The following CDX1 variants were observed in gnomAD, a reference collection of about 807,000 sequenced individuals.
The protein encoded by CDX1 is homeobox protein CDX-1.
Under a neutral mutation model 16.9 loss-of-function variants are expected in CDX1, and 9 were observed. The observed-to-expected ratio is 0.53, with a 90% CI of 0.32 to 0.93. The LOEUF is 0.93. Ranked by LOEUF, CDX1 falls within the 40% of genes least tolerant of loss-of-function variation. CDX1 has a pLI of 0.04. For missense variants in CDX1, 393 were observed against 386.1 expected (o/e 1.02, Z -0.15); for synonymous variants, 179 against 179.0 (o/e 1.00, Z 0.00).
At chr5:150,174,179 C>T (rs1259060588) in intron 1 of CDX1, among the ~76,000 whole-genome samples, 1 of 152,206 alleles carries the variant, frequency 6.6e-6, no homozygotes, top group South Asian at 2.1e-4. Context: ...AGCCCCACCT[C>T]GAACGTGAGA....
chr5:150,178,182 C>T lies in CDX1; in HGVS notation c.446-4586C>T, dbSNP rs1359800786. Among the ~76,000 whole-genome samples the T allele has an allele frequency of 2.6e-5, 4 of 152,190 alleles. No homozygotes were observed. The East Asian group carries it at 7.7e-4, about 29-fold the overall frequency. On this transcript the variant is annotated intron_variant, in intron 1 of 2. Coordinates refer to ENST00000231656, the MANE Select transcript of CDX1 (RefSeq NM_001804.3). ...CTGGGAGCCATTGGCCTGTACCGTG[C>T]ATGCATTAGGGGACGGGAGTTTGCT...
chr5:150,171,676 TATGGC>T (rs997109955), intron 1 of CDX1, among the ~76,000 whole-genome samples: 4 of 152,236 alleles, frequency 2.6e-5, no homozygotes, highest in Non-Finnish European at 2.9e-5. Flanking sequence ...GCTCCATTTC[TATGGC>T]AATCAGAGCC....
chr5:150,183,689 C>CCAG lies in CDX1; in HGVS notation c.*11_*13dup. The stretch of plus-strand genomic sequence containing the variant: ...AGGAGTTTCTGCCATAGCCCCATGC[C>CCAG]CAGCCTGTGCGCCGGGGGACCTGGG... On this transcript the variant is annotated 3_prime_UTR_variant, in exon 3 of 3. Transcript: ENST00000231656. 1 of 1,537,430 alleles carries CCAG rather than the reference C, an allele frequency of 6.5e-7. No homozygotes were observed. The highest frequency in any genetic ancestry group is 1.4e-5 in the African/African-American group (1 of 72,686).
intron 1 of CDX1, 86 bp from the exon 2 acceptor site, chr5:150,182,682 T>C: frequency 7.4e-7 from 1 of 1,353,556 alleles, no homozygotes; most frequent in Non-Finnish European, 1.0e-6. Context: ...GCCTGGATTG[T>C]CTTCCTCCTG....
At chr5:150,168,954 G>A (rs76845567) in intron 1 of CDX1, among the ~76,000 whole-genome samples, 5,036 of 152,280 alleles carry the variant, frequency 0.033, 295 homozygotes, top group African/African-American at 0.11. Context: ...CCATAAATCC[G>A]GGGTTAAGAA....
At position 150,166,826 on chromosome 5, in the gene CDX1, C is replaced by A; in HGVS notation, c.-51C>A. The A allele has an allele frequency of 7.7e-7, 1 of 1,300,778 alleles. No individual in the cohort carries two copies. Among genetic ancestry groups the A allele is most frequent in the Non-Finnish European group, 1.0e-6 (1 of 998,234 alleles). The allele number at this position is 1,300,778 out of a possible 1,614,324, so 80.6% of individuals were successfully genotyped here. A position where few individuals can be genotyped will look rare whatever the true frequency, so the allele number is the denominator to read the frequency against. Reference sequence around the variant, plus strand: ...AGCGGTTGCTCGTCGTCGGGGCGGCCGGCAGCGGCGGCTCCAGGGCCCAGC... The same window carrying A: ...AGCGGTTGCTCGTCGTCGGGGCGGCAGGCAGCGGCGGCTCCAGGGCCCAGC... On this transcript the variant is annotated 5_prime_UTR_variant, in exon 1 of 3. Transcript: ENST00000231656.
chr5:150,167,047 C>G lies in CDX1; in HGVS notation c.171C>G (p.Pro57=), dbSNP rs1335935397. The G allele has an allele frequency of 1.4e-6, 2 of 1,431,684 alleles. No individual in the cohort carries two copies. Among genetic ancestry groups the G allele is most frequent in the Non-Finnish European group, 1.8e-6 (2 of 1,098,204 alleles). The allele number at this position is 1,431,684 out of a possible 1,614,324, so 88.7% of individuals were successfully genotyped here. A position where few individuals can be genotyped will look rare whatever the true frequency, so the allele number is the denominator to read the frequency against. The change falls in exon 1 of 3, where the codon CCC becomes CCG. Residue 57 remains proline, a synonymous_variant. Transcript: ENST00000231656. ...CTCACGTGGAGCCGGCCCCCGCGCC[C>G]CCGACGGCCTGGGGGGCGCCCTTCC... ...SYSHVEPAPA[P]PTAWGAPFPA...
At chr5:150,169,757 T>G (rs1489044278) in intron 1 of CDX1, among the ~76,000 whole-genome samples, 2 of 152,160 alleles carry the variant, frequency 1.3e-5, no homozygotes, top group African/African-American at 2.4e-5. Flanking sequence ...GGCCACCAGG[T>G]CTTCAGCCTG....
In CDX1 at chr5:150,183,862, C is replaced by T. The variant is rs1752507726; in HGVS notation, c.*182C>T. The T allele has an allele frequency of 4.5e-6, 2 of 448,372 alleles. No homozygotes were observed. The highest frequency in any genetic ancestry group is 7.9e-6 in the Non-Finnish European group (2 of 251,720). The allele number at this position is 448,372 out of a possible 1,614,324, so 27.8% of individuals were successfully genotyped here. On this transcript the variant is annotated 3_prime_UTR_variant, in exon 3 of 3. Coordinates refer to ENST00000231656, the MANE Select transcript of CDX1 (RefSeq NM_001804.3). Reference sequence around the variant, plus strand: ...GTGCAGTAAGCCTGTTGGATAAAGACCTTCCAGCTCCTGTGTTCTAGACCT... The same window carrying T: ...GTGCAGTAAGCCTGTTGGATAAAGATCTTCCAGCTCCTGTGTTCTAGACCT...
intron 1 of CDX1, among the ~76,000 whole-genome samples, chr5:150,174,859 G>A (rs927156074): frequency 6.7e-6 from 1 of 150,216 alleles, no homozygotes; most frequent in South Asian, 2.1e-4. Context: ...TCACTGCAAC[G>A]TCCGCCTCCT....
chr5:150,183,779 C>T lies in CDX1; in HGVS notation c.*99C>T. 1.0e-6 allele frequency: 1 copy of T among 967,276 alleles called. No homozygotes were observed. Among genetic ancestry groups the T allele is most frequent in the South Asian group, 2.1e-5 (1 of 48,184 alleles). The allele number at this position is 967,276 out of a possible 1,614,324, so 59.9% of individuals were successfully genotyped here. ...GGTCTGGTCCGAGTCTCAGCCCTGA[C>T]CTTCTGGGACATGGTGGACAGTCAC... On this transcript the variant is annotated 3_prime_UTR_variant, in exon 3 of 3. Coordinates refer to ENST00000231656, the MANE Select transcript of CDX1 (RefSeq NM_001804.3).
chr5:150,171,884 A>G (rs1211362361), intron 1 of CDX1, among the ~76,000 whole-genome samples: 1 of 152,210 alleles, frequency 6.6e-6, no homozygotes, highest in Non-Finnish European at 1.5e-5. Flanking sequence ...ACAGGATAAT[A>G]ATAGGATTGC....
At chr5:150,169,971 A>T (rs1284952089) in intron 1 of CDX1, among the ~76,000 whole-genome samples, 1 of 152,246 alleles carries the variant, frequency 6.6e-6, no homozygotes, top group Middle Eastern at 3.2e-3. Context: ...ATGGTTTCCC[A>T]TCATATGTAG....
chr5:150,167,458 G>T (rs1371527019), intron 1 of CDX1, 137 bp downstream of exon 1: 3 of 506,648 alleles, frequency 5.9e-6, no homozygotes, highest in East Asian at 7.2e-5. Flanking sequence ...TCTCGCCCTG[G>T]GGGGCTGCTC....
chr5:150,181,935 G>A (rs1752447872), intron 1 of CDX1, among the ~76,000 whole-genome samples: 1 of 152,134 alleles, frequency 6.6e-6, no homozygotes, highest in East Asian at 1.9e-4. Flanking sequence ...TGTGTGGACG[G>A]CTTGGGCAGA....
chr5:150,173,028 T>G (rs1761526689), intron 1 of CDX1, among the ~76,000 whole-genome samples: 1 of 152,128 alleles, frequency 6.6e-6, no homozygotes, highest in Non-Finnish European at 1.5e-5. Context: ...ACCCTCCCCA[T>G]GCCACGCTCA....
rs1383109345 is a variant in CDX1 at position 150,183,871 on chromosome 5, T to C, written c.*191T>C. The C allele has an allele frequency of 1.8e-5, 8 of 440,528 alleles. No individual in the cohort carries two copies. The highest frequency in any genetic ancestry group is 2.8e-5 in the Non-Finnish European group (7 of 247,550). 27.3% of individuals were successfully genotyped at this position (440,528 alleles called of 1,614,324 possible). A position where few individuals can be genotyped will look rare whatever the true frequency, so the allele number is the denominator to read the frequency against. ...GCCTGTTGGATAAAGACCTTCCAGC[T>C]CCTGTGTTCTAGACCTCTGGGGGAT... On this transcript the variant is annotated 3_prime_UTR_variant, in exon 3 of 3. Transcript: ENST00000231656.
At chr5:150,168,317 T>C (rs1194155818) in intron 1 of CDX1, among the ~76,000 whole-genome samples, 1 of 152,160 alleles carries the variant, frequency 6.6e-6, no homozygotes, top group African/African-American at 2.4e-5. Flanking sequence ...TTCACCCCCA[T>C]CTCCCCACAC....
rs1385439648 is a variant in CDX1, at chr5:150,167,272, C to T, written c.396C>T (p.Pro132=). The T allele has an allele frequency of 4.7e-6, 6 of 1,268,052 alleles. No individual in the cohort carries two copies. The highest frequency in any genetic ancestry group is 3.0e-6 in the Non-Finnish European group (3 of 1,012,998). The allele number at this position is 1,268,052 out of a possible 1,614,324, so 78.6% of individuals were successfully genotyped here. A position where few individuals can be genotyped will look rare whatever the true frequency, so the allele number is the denominator to read the frequency against. Residue 132 remains proline (P), a synonymous_variant, in exon 1 of 3, where the codon CCC becomes CCT. Coordinates refer to ENST00000231656, the MANE Select transcript of CDX1 (RefSeq NM_001804.3). ...CGCCCGGAGCGCAGAGGCCGACGCC[C>T]TACGAGTGGATGCGGCGCAGCGTGG... ...PSSPGAQRPT[P]YEWMRRSVAA...
Sources: gnomAD v4.1 joint callset for allele counts (sites outside exome capture counted in the v4.1 genomes callset) on GRCh38, gnomAD v4.1.1 for gene constraint, MANE v1.5 for transcripts, NCBI Gene and HGNC (gene_info 2026-07-23, HGNC 2026-07-21) for gene names.